NIPA2: variants seen among roughly 807,000 people sequenced by gnomAD.
NIPA2 encodes magnesium transporter NIPA2.
NIPA2 carries 11 observed loss-of-function variants against 29.7 expected under a neutral mutation model. The observed-to-expected ratio is 0.37, with a 90% CI of 0.23 to 0.61. The LOEUF (loss-of-function observed/expected upper bound fraction) is 0.61. Among genes scored for constraint, NIPA2 ranks in the 20% least tolerant of loss-of-function variants. The pLI is 0.66. For missense variants in NIPA2, 426 were observed against 437.9 expected, an observed-to-expected ratio of 0.97 and a Z score of 0.24; for synonymous variants, 183 against 161.9, an observed-to-expected ratio of 1.13 and a Z score of -0.99.
rs57513456 is a variant in NIPA2 at position 22,862,049 on chromosome 15, C to CTTTTTTTTTTTTTTTTTTTT, written c.448+1275_448+1276insTTTTTTTTTTTTTTTTTTTT. On this transcript the variant is annotated intron_variant, in intron 7 of 7. Transcript: ENST00000337451. ...ACCATGCCTCGCCTGATGGGTCTCT[C>CTTTTTTTTTTTTTTTTTTTT]TTTTTTTTTTTTTTTGAGACAGAGT... 5.7e-4 allele frequency among the ~76,000 whole-genome samples: 59 copies of CTTTTTTTTTTTTTTTTTTTT among 103,940 alleles called. 3 individuals are homozygous for CTTTTTTTTTTTTTTTTTTTT. Among genetic ancestry groups the CTTTTTTTTTTTTTTTTTTTT allele is most frequent in the African/African-American group, 2.1e-3 (57 of 26,662 alleles). 68.2% of individuals were successfully genotyped at this position (103,940 alleles called of 152,430 possible).
At chr15:22,862,754 G>A (rs1355882326) in intron 7 of NIPA2, among the ~76,000 whole-genome samples, 1 of 152,208 alleles carries the variant, frequency 6.6e-6, no homozygotes, top group Admixed American at 6.5e-5. Context: ...AGAAGGTGTA[G>A]AGGTTTTAAG....
In NIPA2 at chr15:22,841,204, C is replaced by G. The variant is rs542662757; in HGVS notation, c.-216+1414C>G. Among the ~76,000 whole-genome samples the G allele has an allele frequency of 2.0e-5, 3 of 152,228 alleles. No homozygotes were observed. The South Asian group carries it at 6.2e-4, about 32-fold the overall frequency. On this transcript the variant is annotated intron_variant, in intron 2 of 7. Coordinates refer to ENST00000337451, the MANE Select transcript of NIPA2 (RefSeq NM_030922.7). ...ATGATAGATATGTTGATTTGCTCTA[C>G]TGTGGTAACTGTGTTAGTATCTGTA...
chr15:22,866,761 A>C lies in NIPA2; in HGVS notation c.997A>C (p.Asn333His). The stretch of plus-strand genomic sequence containing the variant: ...CTCTAATATGTATGAAGTTCTTAAT[A>C]ATAATGAAGAAAGCTTAACCTGTGG... ...NLSNMYEVLN[N>H]NEESLTCGIE... Residue 333 changes from asparagine to histidine, a missense_variant, in exon 8 of 8, where the codon AAT becomes CAT. By Grantham distance (68) the Asn-to-His change is moderately conservative. This residue lies in a region of NIPA2 where 357 missense variants were observed against 339.8 expected (regional missense o/e 1.05). Transcript: ENST00000337451. The C allele has an allele frequency of 6.2e-7, 1 of 1,613,144 alleles. No individual in the cohort carries two copies. Among genetic ancestry groups the C allele is most frequent in the Non-Finnish European group, 8.5e-7 (1 of 1,179,216 alleles).
rs141871780 is a variant in NIPA2, at chr15:22,858,395, AAAAAAT to A, written c.197-136_197-131del. On this transcript the variant is annotated intron_variant, in intron 5 of 7. Coordinates refer to ENST00000337451, the MANE Select transcript of NIPA2 (RefSeq NM_030922.7). The stretch of plus-strand genomic sequence containing the variant: ...GGCGACAGAGTGAGACTCCGTCTCA[AAAAAAT>A]AAAAATAATAAATTGGAAAAATATG... 5.4e-3 allele frequency: 2,644 copies of A among 492,654 alleles called. 58 individuals are homozygous for A. Among genetic ancestry groups the A allele is most frequent in the African/African-American group, 0.048 (2,395 of 49,768 alleles). The allele number at this position is 492,654 out of a possible 1,614,324, so 30.5% of individuals were successfully genotyped here. A position where few individuals can be genotyped will look rare whatever the true frequency, so the allele number is the denominator to read the frequency against.
Position 22,866,776 on chromosome 15 carries a change from T to C in NIPA2, c.1012T>C (p.Leu338=). Reference sequence around the variant, plus strand: ...AGTTCTTAATAATAATGAAGAAAGCTTAACCTGTGGAATCGAACAACACAC... The same window carrying C: ...AGTTCTTAATAATAATGAAGAAAGCCTAACCTGTGGAATCGAACAACACAC... The part of the protein sequence containing the change: ...YEVLNNNEES[L]TCGIEQHTGE... Residue 338 remains leucine, a synonymous_variant, in exon 8 of 8, where the codon TTA becomes CTA. Transcript: ENST00000337451. The C allele has an allele frequency of 1.2e-6, 2 of 1,613,492 alleles. No individual in the cohort carries two copies. The highest frequency in any genetic ancestry group is 1.3e-5 in the African/African-American group (1 of 75,012).
chr15:22,847,737 C>T (rs1175723088), intron 3 of NIPA2, among the ~76,000 whole-genome samples: 1 of 152,112 alleles, frequency 6.6e-6, no homozygotes, highest in African/African-American at 2.4e-5. Context: ...GTTGGGATTA[C>T]AGGCATGAGC....
rs1007305772 is a variant in NIPA2 at position 22,868,125 on chromosome 15, A to T, written c.*1278A>T. ...GGCCTCCCCTGCCAATGGTGCTGGT[A>T]TCCCATGCAGCTCACCACTGGCTGC... On this transcript the variant is annotated 3_prime_UTR_variant, in exon 8 of 8. Transcript: ENST00000337451. 6 of 152,276 alleles carry T rather than the reference A, an allele frequency of 3.9e-5. No individual in the cohort carries two copies. Among genetic ancestry groups the T allele is most frequent in the Non-Finnish European group, 8.8e-5 (6 of 68,056 alleles). 9.4% of individuals were successfully genotyped at this position (152,276 alleles called of 1,614,324 possible).
chr15:22,860,595 T>G (rs759569578), intron 6 of NIPA2, 34 bp from the exon 7 acceptor site: 1 of 1,425,020 alleles, frequency 7.0e-7, no homozygotes, highest in Non-Finnish European at 9.5e-7. Flanking sequence ...AGTAGCTGAT[T>G]AAAGTTCTCA....
intron 3 of NIPA2, among the ~76,000 whole-genome samples, chr15:22,850,522 CAG>C (rs1333100644): frequency 1.3e-5 from 2 of 152,164 alleles, no homozygotes; most frequent in East Asian, 1.9e-4. Context: ...AATATCAACT[CAG>C]TGTGATAATG....
At chr15:22,860,176 T>C in intron 6 of NIPA2, among the ~76,000 whole-genome samples, 1 of 152,114 alleles carries the variant, frequency 6.6e-6, no homozygotes, top group South Asian at 2.1e-4. Flanking sequence ...CCCGCCACCA[T>C]GCCTGACTGA....
chr15:22,864,842 C>T (rs958199200), intron 7 of NIPA2, among the ~76,000 whole-genome samples: 7 of 148,004 alleles, frequency 4.7e-5, no homozygotes, highest in Non-Finnish European at 7.4e-5. Flanking sequence ...TGCTTTCTGA[C>T]TTACGAAGGA....
Position 22,865,962 on chromosome 15 carries a change from G to A in NIPA2, c.449-251G>A, listed in dbSNP as rs564300600. On this transcript the variant is annotated intron_variant, in intron 7 of 7. Coordinates refer to ENST00000337451, the MANE Select transcript of NIPA2 (RefSeq NM_030922.7). ...CCTGGTGAGCTAGAGCACTTAAGTCGGCATAAAGTGCTGCTGCAAAAATGT... is the reference window on the plus strand; with the variant it reads ...CCTGGTGAGCTAGAGCACTTAAGTCAGCATAAAGTGCTGCTGCAAAAATGT... Among the ~76,000 whole-genome samples the A allele has an allele frequency of 1.9e-4, 29 of 151,982 alleles. No homozygotes were observed. In the South Asian group the frequency reaches 4.8e-3, roughly 25 times the overall value.
chr15:22,866,514 A>G lies in NIPA2; in HGVS notation c.750A>G (p.Pro250=). The G allele has an allele frequency of 6.2e-7, 1 of 1,613,820 alleles. No individual in the cohort carries two copies. The highest frequency in any genetic ancestry group is 1.1e-5 in the South Asian group (1 of 91,064). The change falls in exon 8 of 8, where the codon CCA becomes CCG. Residue 250 remains proline, a synonymous_variant. Coordinates refer to ENST00000337451, the MANE Select transcript of NIPA2 (RefSeq NM_030922.7). ...LDIFNTSIVT[P]IYYVFFTTSV... ...TATTCAACACTTCCATTGTGACTCC[A>G]ATATATTATGTATTCTTTACAACAT...
At position 22,866,370 on chromosome 15, in the gene NIPA2, T is replaced by C. The variant is rs1201850975; in HGVS notation, c.606T>C (p.Ala202=). 1.9e-6 allele frequency: 3 copies of C among 1,614,098 alleles called. No homozygotes were observed. In the South Asian group the frequency reaches 3.3e-5, roughly 18 times the overall value. ...CCTGTGTGAAGGGCCTGGGCATTGCTATCAAGGAGCTGTTTGCAGGGAAGC... is the reference window on the plus strand; with the variant it reads ...CCTGTGTGAAGGGCCTGGGCATTGCCATCAAGGAGCTGTTTGCAGGGAAGC... ...SVSCVKGLGI[A]IKELFAGKPV... The change falls in exon 8 of 8, where the codon GCT becomes GCC. Residue 202 remains alanine, a synonymous_variant. Transcript: ENST00000337451.
intron 7 of NIPA2, among the ~76,000 whole-genome samples, chr15:22,865,778 A>G (rs2058998237): frequency 6.9e-6 from 1 of 144,784 alleles, no homozygotes; most frequent in Admixed American, 7.3e-5. Flanking sequence ...TTGTCCACAA[A>G]TTTTAAAAGT....
rs749671658 is a variant in NIPA2 at position 22,866,245 on chromosome 15, G to C, written c.481G>C (p.Val161Leu). The change falls in exon 8 of 8, where the codon GTG (valine) becomes CTG (leucine). Residue 161 changes from valine (V) to leucine (L), a missense_variant. Coordinates refer to ENST00000337451, the MANE Select transcript of NIPA2 (RefSeq NM_030922.7). ...GGTCTTTGCAACCCTTGTGGTCATT[G>C]TGGCCTTGATATTAATCTTCGTGGT... ...FVVFATLVVI[V>L]ALILIFVVGP... 6 of 1,613,838 alleles carry C rather than the reference G, an allele frequency of 3.7e-6. No homozygotes were observed. The highest frequency in any genetic ancestry group is 5.1e-6 in the Non-Finnish European group (6 of 1,179,798).
At chr15:22,847,209 T>G (rs965178127) in intron 3 of NIPA2, among the ~76,000 whole-genome samples, 7 of 151,512 alleles carry the variant, frequency 4.6e-5, no homozygotes, top group Admixed American at 1.3e-4. Context: ...CCCGGCCTTG[T>G]GAGTCTATTG....
At chr15:22,843,771 C>T (rs1897819273) in intron 2 of NIPA2, among the ~76,000 whole-genome samples, 1 of 151,952 alleles carries the variant, frequency 6.6e-6, no homozygotes, top group African/African-American at 2.4e-5. Context: ...CTTCCTTAGC[C>T]TCACCAGTAG....
At chr15:22,854,327 ATGT>A (rs200608751) in intron 5 of NIPA2, among the ~76,000 whole-genome samples, 1,854 of 150,860 alleles carry the variant, frequency 0.012, 25 homozygotes, top group Middle Eastern at 0.02. Context: ...GGGTTTCACC[ATGT>A]TGCCCAGGAT....
Sources: allele counts gnomAD v4.1 joint callset (sites outside exome capture counted in the v4.1 genomes callset), GRCh38; gene constraint gnomAD v4.1.1; regional missense constraint gnomAD v4.1.1; transcripts MANE v1.5; gene names NCBI Gene and HGNC (gene_info 2026-07-23, HGNC 2026-07-21).